The following SEPTIN11 variants were observed in gnomAD, a reference collection of about 807,000 sequenced individuals.
SEPTIN11 encodes septin 11, also known as septin-11.
SEPTIN11 carries 25 observed loss-of-function variants against 51.4 expected under a neutral mutation model. That is an observed-to-expected ratio of 0.49 (90% CI 0.35 to 0.68). The LOEUF is 0.68. Ranked by LOEUF, SEPTIN11 falls within the 30% of genes least tolerant of loss-of-function variation. SEPTIN11 has a pLI of 0.00. For synonymous variants in SEPTIN11, 174 were observed against 184.1 expected (o/e 0.95, Z 0.44); for missense variants, 381 against 520.8 (o/e 0.73, Z 2.61).
chr4:77,011,216 T>C (rs1340783531), intron 3 of SEPTIN11, among the ~76,000 whole-genome samples: 2 of 152,262 alleles, frequency 1.3e-5, no homozygotes, highest in East Asian at 3.9e-4. Flanking sequence ...GGTGGTGTCA[T>C]ATCCTGAAAC....
At chr4:76,950,093 G>A (rs1578107559) in intron 1 of SEPTIN11, among the ~76,000 whole-genome samples, 163 bp downstream of exon 1, 1 of 152,192 alleles carries the variant, frequency 6.6e-6, no homozygotes. Flanking sequence ...CTGGGGTCGG[G>A]GTTAGGAGCC....
At chr4:77,018,542 C>A (rs949337816) in intron 5 of SEPTIN11, among the ~76,000 whole-genome samples, 2 of 151,880 alleles carry the variant, frequency 1.3e-5, no homozygotes, top group South Asian at 2.1e-4. Context: ...GAATTTTCAC[C>A]AAAAATATTT....
chr4:76,971,330 C>T (rs183840873), intron 1 of SEPTIN11, among the ~76,000 whole-genome samples: 41 of 152,226 alleles, frequency 2.7e-4, no homozygotes, highest in Non-Finnish European at 4.7e-4. Flanking sequence ...TAACTTTCCC[C>T]AAAGTCATTC....
At chr4:76,998,321 C>T (rs1417866167) in intron 2 of SEPTIN11, among the ~76,000 whole-genome samples, 2 of 152,162 alleles carry the variant, frequency 1.3e-5, no homozygotes, top group Non-Finnish European at 1.5e-5. Context: ...CTGTGGGATC[C>T]TTCTAGAAAC....
Position 77,034,941 on chromosome 4 carries a change from A to G in SEPTIN11, c.*429A>G. 9.1e-6 allele frequency: 9 copies of G among 988,762 alleles called. No homozygotes were observed. The South Asian group carries it at 3.3e-4, about 36-fold the overall frequency. The allele number at this position is 988,762 out of a possible 1,614,324, so 61.2% of individuals were successfully genotyped here. On this transcript the variant is annotated 3_prime_UTR_variant, in exon 10 of 10. Transcript: ENST00000264893. Reference sequence around the variant, plus strand: ...TGCATTTTCTTGATGATTCATCTCCATGAGTGCACAATCCCTGAACTCACT... The same window carrying G: ...TGCATTTTCTTGATGATTCATCTCCGTGAGTGCACAATCCCTGAACTCACT...
intron 1 of SEPTIN11, among the ~76,000 whole-genome samples, chr4:76,961,322 C>T (rs1258446042): frequency 6.6e-6 from 1 of 152,080 alleles, no homozygotes; most frequent in African/African-American, 2.4e-5. Context: ...AAAGGGCACA[C>T]CAAAGGGAAT....
chr4:77,017,406 A>C (rs1725380160), intron 5 of SEPTIN11, among the ~76,000 whole-genome samples: 1 of 152,196 alleles, frequency 6.6e-6, no homozygotes, highest in East Asian at 1.9e-4. Context: ...TTCCACTGGC[A>C]GTTGCTTTTG....
chr4:77,036,922 T>TC lies in SEPTIN11; in HGVS notation c.*2411dup. On this transcript the variant is annotated 3_prime_UTR_variant, in exon 10 of 10. Transcript: ENST00000264893. ...AAATGGGATGGATAGATTTTTTTTT[T>TC]CTTTTCAAGGGGGGCAGGAAGGTAA... 1 of 1,333,564 alleles carries TC rather than the reference T, an allele frequency of 7.5e-7. No homozygotes were observed. Among genetic ancestry groups the TC allele is most frequent in the Non-Finnish European group, 9.5e-7 (1 of 1,047,214 alleles). The allele number at this position is 1,333,564 out of a possible 1,614,324, so 82.6% of individuals were successfully genotyped here.
chr4:77,026,264 A>T (rs1012165853), intron 7 of SEPTIN11, among the ~76,000 whole-genome samples: 1 of 152,208 alleles, frequency 6.6e-6, no homozygotes, highest in African/African-American at 2.4e-5. Flanking sequence ...ATTCTAAGAC[A>T]ATCAAGTTGA....
intron 3 of SEPTIN11, among the ~76,000 whole-genome samples, chr4:77,007,325 A>T (rs1157395038): frequency 6.6e-6 from 1 of 152,184 alleles, no homozygotes; most frequent in Admixed American, 6.5e-5. Context: ...TGGCGTTAGG[A>T]AAAATCTTGC....
chr4:77,035,199 T>C lies in SEPTIN11; in HGVS notation c.*687T>C, dbSNP rs1013321506. On this transcript the variant is annotated 3_prime_UTR_variant, in exon 10 of 10. Transcript: ENST00000264893. ...GGAGTAGACTGGTATGAGAAAACTATGATTAGTTCACATTTACTGGTGCAT... is the reference window on the plus strand; with the variant it reads ...GGAGTAGACTGGTATGAGAAAACTACGATTAGTTCACATTTACTGGTGCAT... The C allele has an allele frequency of 1.0e-6, 1 of 985,322 alleles. No homozygotes were observed. Among genetic ancestry groups the C allele is most frequent in the African/African-American group, 1.7e-5 (1 of 57,232 alleles). The allele number at this position is 985,322 out of a possible 1,614,324, so 61.0% of individuals were successfully genotyped here.
chr4:76,982,084 C>T (rs145440354), intron 1 of SEPTIN11, among the ~76,000 whole-genome samples: 2 of 152,210 alleles, frequency 1.3e-5, no homozygotes, highest in Admixed American at 6.5e-5. Context: ...ACATCCTCTA[C>T]TCTTAGTTTT....
At chr4:76,983,939 G>A (rs1302158372) in intron 1 of SEPTIN11, among the ~76,000 whole-genome samples, 2 of 152,132 alleles carry the variant, frequency 1.3e-5, no homozygotes, top group South Asian at 2.1e-4. Flanking sequence ...CCCTGGAGGC[G>A]GAGGTTGCAT....
Position 77,034,570 on chromosome 4 carries a change from T to C in SEPTIN11, c.*58T>C. ...CCTGCTTTTGCAGTAATATCGTATCTCTGCCATGTGTGTTCTTTAGTTTTA... is the reference window on the plus strand; with the variant it reads ...CCTGCTTTTGCAGTAATATCGTATCCCTGCCATGTGTGTTCTTTAGTTTTA... On this transcript the variant is annotated 3_prime_UTR_variant, in exon 10 of 10. Coordinates refer to ENST00000264893, the MANE Select transcript of SEPTIN11 (RefSeq NM_018243.4). 2 of 1,500,530 alleles carry C rather than the reference T, an allele frequency of 1.3e-6. No individual in the cohort carries two copies. The highest frequency in any genetic ancestry group is 1.8e-6 in the Non-Finnish European group (2 of 1,131,264). 93.0% of individuals were successfully genotyped at this position (1,500,530 alleles called of 1,614,324 possible).
intron 2 of SEPTIN11, among the ~76,000 whole-genome samples, chr4:77,001,106 G>A (rs73826485): frequency 0.017 from 2,547 of 152,244 alleles, 75 homozygotes; most frequent in African/African-American, 0.057. Flanking sequence ...TAAGCCTGAG[G>A]ATAGAATGGA....
chr4:77,007,963 T>G (rs1382414665), intron 3 of SEPTIN11, among the ~76,000 whole-genome samples: 1 of 152,204 alleles, frequency 6.6e-6, no homozygotes, highest in East Asian at 1.9e-4. Context: ...TTACCTACTT[T>G]GGGGATTAGG....
chr4:77,001,529 T>C (rs1724122963), intron 2 of SEPTIN11, among the ~76,000 whole-genome samples: 1 of 152,094 alleles, frequency 6.6e-6, no homozygotes, highest in South Asian at 2.1e-4. Context: ...TTTGTATTTT[T>C]AGTAGAGACG....
At position 77,038,508 on chromosome 4, in the gene SEPTIN11, G is replaced by C; in HGVS notation, c.*3996G>C. The C allele has an allele frequency of 1.0e-6, 1 of 985,904 alleles. No homozygotes were observed. Among genetic ancestry groups the C allele is most frequent in the Non-Finnish European group, 1.2e-6 (1 of 829,976 alleles). The allele number at this position is 985,904 out of a possible 1,614,324, so 61.1% of individuals were successfully genotyped here. ...AAGTGATCACTTAGCAACATGCTTG[G>C]TAATTTGGCATCTGTTAAGGTAGGA... On this transcript the variant is annotated 3_prime_UTR_variant, in exon 10 of 10. Transcript: ENST00000264893.
At position 76,949,783 on chromosome 4, in the gene SEPTIN11, C is replaced by A; in HGVS notation, c.-121C>A. ...ATGCCGCTGGCTGCCAGCGGGACGC[C>A]GGCGAGCAGAGCGCAGCCGCGAGGG... On this transcript the variant is annotated 5_prime_UTR_variant, in exon 1 of 10. Coordinates refer to ENST00000264893, the MANE Select transcript of SEPTIN11 (RefSeq NM_018243.4). The A allele has an allele frequency of 1.8e-6, 2 of 1,103,962 alleles. No homozygotes were observed. Among genetic ancestry groups the A allele is most frequent in the South Asian group, 1.5e-5 (1 of 65,748 alleles). 68.4% of individuals were successfully genotyped at this position (1,103,962 alleles called of 1,614,324 possible).
Sources: allele counts gnomAD v4.1 joint callset (sites outside exome capture counted in the v4.1 genomes callset), GRCh38; gene constraint gnomAD v4.1.1; transcripts MANE v1.5; gene names NCBI Gene and HGNC (gene_info 2026-07-23, HGNC 2026-07-21).